NCEH1: variants seen among roughly 807,000 people sequenced by gnomAD.
The protein encoded by NCEH1 is 2-acetyl MAGE hydrolase.
A neutral mutation model predicts 25.4 loss-of-function variants in NCEH1; 9 were observed. The ratio of observed to expected loss-of-function variants is 0.35; its 90% CI spans 0.21 to 0.62. NCEH1 has a LOEUF of 0.62. Among genes scored for constraint, NCEH1 ranks in the 20% least tolerant of loss-of-function variants. The probability of loss-of-function intolerance (pLI) is 0.72; values close to 1 mark genes in which losing one functional copy is unlikely to be tolerated. For missense variants in NCEH1, 412 were observed against 501.1 expected (o/e 0.82, Z 1.70); for synonymous variants, 200 against 199.8 (o/e 1.00, Z -0.01).
At chr3:172,639,921 G>A (rs1716770356) in intron 3 of NCEH1, among the ~76,000 whole-genome samples, 1 of 152,220 alleles carries the variant, frequency 6.6e-6, no homozygotes, top group African/African-American at 2.4e-5. Flanking sequence ...GAGAATGTGA[G>A]GTTGAAGGAA....
chr3:172,709,182 G>A (rs1013508450), intron 1 of NCEH1, among the ~76,000 whole-genome samples: 7 of 152,342 alleles, frequency 4.6e-5, no homozygotes, highest in Admixed American at 3.9e-4. Context: ...AGCTGGGAAA[G>A]AAAAGCTTTT....
chr3:172,645,664 T>G lies in NCEH1; in HGVS notation c.396A>C (p.Thr132=). 6.2e-7 allele frequency: 1 copy of G among 1,600,100 alleles called. No homozygotes were observed. The part of the protein sequence containing the change: ...AKIRYYDELC[T]AMAEELNAVI... ...CAGCATTCAATTCCTCAGCCATTGC[T>G]GTACACAGCTCATCATAATACCTGA... Residue 132 remains threonine (T), a synonymous_variant, in exon 3 of 5, where the codon ACA becomes ACC. Transcript: ENST00000475381.
chr3:172,638,502 A>G (rs1294168752), intron 3 of NCEH1, among the ~76,000 whole-genome samples: 2 of 130,050 alleles, frequency 1.5e-5, no homozygotes, highest in East Asian at 4.9e-4. Context: ...TGTCCACTAG[A>G]TGACATCATT....
chr3:172,648,572 T>C (rs936411466), intron 1 of NCEH1, among the ~76,000 whole-genome samples: 10 of 152,118 alleles, frequency 6.6e-5, no homozygotes, highest in African/African-American at 1.9e-4. Context: ...TTGTAACATA[T>C]ATTTGGGTGT....
intron 1 of NCEH1, among the ~76,000 whole-genome samples, chr3:172,651,847 C>G (rs1382217993): frequency 6.6e-6 from 1 of 152,138 alleles, no homozygotes; most frequent in African/African-American, 2.4e-5. Flanking sequence ...GCATGAGCCA[C>G]CGCGCCCGGC....
intron 1 of NCEH1, among the ~76,000 whole-genome samples, chr3:172,690,185 G>A (rs548656759): frequency 6.6e-6 from 1 of 152,154 alleles, no homozygotes. Context: ...TTACAAGCGT[G>A]AGCCACCGCA....
intron 1 of NCEH1, among the ~76,000 whole-genome samples, chr3:172,701,449 C>CCT (rs1713673746): frequency 9.0e-6 from 1 of 110,938 alleles, no homozygotes; most frequent in African/African-American, 4.1e-5. Flanking sequence ...GGTCTTTTGC[C>CCT]TTTTTTTTTT....
chr3:172,701,821 AAC>A (rs1713711937), intron 1 of NCEH1, among the ~76,000 whole-genome samples: 1 of 151,954 alleles, frequency 6.6e-6, no homozygotes, highest in South Asian at 2.1e-4. Flanking sequence ...ACTATTCTAA[AAC>A]ACAGTTTTGA....
At chr3:172,689,871 A>AT (rs1165596830) in intron 1 of NCEH1, among the ~76,000 whole-genome samples, 3 of 150,524 alleles carry the variant, frequency 2.0e-5, no homozygotes, top group Non-Finnish European at 3.0e-5. Context: ...CCCCTCAAGC[A>AT]TTTTTTTATT....
At chr3:172,661,233 C>G (rs1717956993) in intron 1 of NCEH1, among the ~76,000 whole-genome samples, 1 of 152,170 alleles carries the variant, frequency 6.6e-6, no homozygotes, top group Non-Finnish European at 1.5e-5. Context: ...AATAGGGAAT[C>G]CTTTCCCCAT....
At chr3:172,687,403 A>G (rs1423535677) in intron 1 of NCEH1, among the ~76,000 whole-genome samples, 1 of 152,222 alleles carries the variant, frequency 6.6e-6, no homozygotes, top group East Asian at 1.9e-4. Flanking sequence ...TGCTTGCTGC[A>G]CAATATCTTT....
intron 1 of NCEH1, among the ~76,000 whole-genome samples, chr3:172,704,359 A>G (rs6794102): frequency 0.056 from 8,501 of 152,316 alleles, 796 homozygotes; most frequent in African/African-American, 0.19. Context: ...AAAGATTCAT[A>G]GTGTAAGCAG....
At chr3:172,669,721 G>C (rs1014196340) in intron 1 of NCEH1, among the ~76,000 whole-genome samples, 1 of 152,198 alleles carries the variant, frequency 6.6e-6, no homozygotes, top group Non-Finnish European at 1.5e-5. Context: ...ATTTTTAGTA[G>C]AGATGGGGTT....
At chr3:172,707,809 A>C (rs951500527) in intron 1 of NCEH1, among the ~76,000 whole-genome samples, 1 of 152,106 alleles carries the variant, frequency 6.6e-6, no homozygotes, top group Non-Finnish European at 1.5e-5. Flanking sequence ...GATGGTCTTG[A>C]TCTCCTGACC....
At chr3:172,671,714 T>A (rs1711640259) in intron 1 of NCEH1, among the ~76,000 whole-genome samples, 1 of 152,036 alleles carries the variant, frequency 6.6e-6, no homozygotes, top group Non-Finnish European at 1.5e-5. Flanking sequence ...ACATATCAGG[T>A]GTATATAAAT....
rs548814461 is a variant in NCEH1, at chr3:172,661,377, C to G, written c.139-13263G>C. Among the ~76,000 whole-genome samples the G allele has an allele frequency of 5.5e-4, 83 of 152,274 alleles. 2 individuals carry two copies. Among genetic ancestry groups the G allele is most frequent in the Non-Finnish European group, 1.1e-3 (76 of 68,024 alleles). On this transcript the variant is annotated intron_variant, in intron 1 of 4. Coordinates refer to ENST00000475381, the MANE Select transcript of NCEH1 (RefSeq NM_020792.6). ...TACCATGCTGTTTTGGTTACTGTAG[C>G]CTTATAGTATAGTTTGAAGTCAGGT...
At chr3:172,703,857 C>T (rs953688101) in intron 1 of NCEH1, among the ~76,000 whole-genome samples, 2 of 152,224 alleles carry the variant, frequency 1.3e-5, no homozygotes, top group South Asian at 2.1e-4. Flanking sequence ...TCAGGTTGTT[C>T]ACCTGTCAGA....
At chr3:172,687,009 T>C (rs936420570) in intron 1 of NCEH1, among the ~76,000 whole-genome samples, 1 of 152,240 alleles carries the variant, frequency 6.6e-6, no homozygotes, top group Non-Finnish European at 1.5e-5. Context: ...GCTGCTTTTC[T>C]GTTTGGGCAT....
intron 1 of NCEH1, 113 bp downstream of exon 1, chr3:172,710,734 C>T: frequency 8.4e-7 from 1 of 1,190,162 alleles, no homozygotes; most frequent in Non-Finnish European, 1.2e-6. Context: ...GCGACAGCCT[C>T]AATGCATTAG....
Sources: allele counts gnomAD v4.1 joint callset (sites outside exome capture counted in the v4.1 genomes callset), GRCh38; gene constraint gnomAD v4.1.1; transcripts MANE v1.5; gene names NCBI Gene and HGNC (gene_info 2026-07-23, HGNC 2026-07-21).